Variants in BBS9 observed in about 807,000 individuals in gnomAD.
BBS9 encodes the protein Bardet-Biedl syndrome 9, also known as protein PTHB1.
A neutral mutation model predicts 117.7 loss-of-function variants in BBS9; 89 were observed. The ratio of observed to expected loss-of-function variants is 0.76; its 90% CI spans 0.64 to 0.90. BBS9 has a LOEUF of 0.90. Ranked by LOEUF, BBS9 falls within the 40% of genes least tolerant of loss-of-function variation. The probability of loss-of-function intolerance (pLI) is 0.00; values close to 1 mark genes in which losing one functional copy is unlikely to be tolerated. For missense variants in BBS9, 982 were observed against 1,042.2 expected (o/e 0.94, Z 0.80); for synonymous variants, 379 against 370.9 (o/e 1.02, Z -0.25).
chr7:33,241,596 C>A (rs1234285235), intron 5 of BBS9, among the ~76,000 whole-genome samples: 2 of 152,012 alleles, frequency 1.3e-5, no homozygotes, highest in Non-Finnish European at 2.9e-5. Flanking sequence ...TGTCTCTTAA[C>A]TTCACATGTA....
chr7:33,323,748 A>T (rs1054291151), intron 9 of BBS9, among the ~76,000 whole-genome samples: 10 of 148,148 alleles, frequency 6.8e-5, no homozygotes, highest in Non-Finnish European at 1.3e-4. Context: ...TTCAGTTTTC[A>T]TTATTAATAA....
intron 15 of BBS9, 81 bp from the exon 16 acceptor site, chr7:33,357,774 C>T (rs1353685784): frequency 4.2e-6 from 6 of 1,444,596 alleles, no homozygotes; most frequent in Non-Finnish European, 5.8e-6. Context: ...TATATTGCTG[C>T]TCAAACTATT....
At position 33,155,681 on chromosome 7, in the gene BBS9, CTT is replaced by C. The variant is rs747388658; in HGVS notation, c.309_310del (p.Val105LeufsTer9). On this transcript the variant is annotated frameshift_variant, in exon 4 of 23. Transcript: ENST00000242067. LOFTEE classifies it high-confidence loss of function. ...TTTGGCTGTGTTACATTCTAGAAAA[CTT>C]TGTGTCTACTCTGTCTCAGGTAAGA... The part of the protein sequence containing the change: ...LHLAVLHSRK[L>X]CVYSVSGTLG... The C allele has an allele frequency of 5.0e-6, 8 of 1,584,674 alleles. No individual in the cohort carries two copies. Among genetic ancestry groups the C allele is most frequent in the Non-Finnish European group, 4.3e-6 (5 of 1,155,544 alleles).
intron 5 of BBS9, among the ~76,000 whole-genome samples, chr7:33,252,717 C>G (rs1796406404): frequency 6.6e-6 from 1 of 151,960 alleles, no homozygotes; most frequent in Non-Finnish European, 1.5e-5. Context: ...TTACAGTCTT[C>G]AATAACACAG....
At chr7:33,538,956 A>T (rs1036589777) in intron 21 of BBS9, among the ~76,000 whole-genome samples, 1 of 152,196 alleles carries the variant, frequency 6.6e-6, no homozygotes, top group African/African-American at 2.4e-5. Flanking sequence ...ACTTCACTAT[A>T]GATTTGTTGG....
intron 5 of BBS9, among the ~76,000 whole-genome samples, chr7:33,210,003 T>C (rs1370756960): frequency 6.6e-6 from 1 of 152,158 alleles, no homozygotes; most frequent in East Asian, 1.9e-4. Flanking sequence ...TTGCAGTTTT[T>C]ATTCTTTTTT....
intron 5 of BBS9, among the ~76,000 whole-genome samples, chr7:33,201,106 T>G (rs185948634): frequency 6.6e-6 from 1 of 152,068 alleles, no homozygotes; most frequent in South Asian, 2.1e-4. Context: ...ACTCTAGAGG[T>G]TTTTTTCACT....
At chr7:33,309,937 C>T (rs1330567950) in intron 9 of BBS9, among the ~76,000 whole-genome samples, 2 of 152,150 alleles carry the variant, frequency 1.3e-5, no homozygotes, top group Non-Finnish European at 2.9e-5. Context: ...ATGAAGAGAT[C>T]TTAAAAGAAA....
chr7:33,524,263 T>C (rs1295892181), intron 20 of BBS9, among the ~76,000 whole-genome samples: 1 of 151,968 alleles, frequency 6.6e-6, no homozygotes, highest in Non-Finnish European at 1.5e-5. Context: ...GCTGGCCTCA[T>C]AAAATGAGTT....
chr7:33,614,048 G>A (rs546448350), intron 21 of BBS9, among the ~76,000 whole-genome samples: 1 of 152,188 alleles, frequency 6.6e-6, no homozygotes, highest in African/African-American at 2.4e-5. Flanking sequence ...GATATGCTGA[G>A]CTGTCATGAA....
intron 19 of BBS9, among the ~76,000 whole-genome samples, chr7:33,470,994 C>A (rs908877549): frequency 2.6e-5 from 4 of 152,180 alleles, no homozygotes; most frequent in Non-Finnish European, 5.9e-5. Context: ...GATACAGGTT[C>A]ATTTTCCTGC....
At chr7:33,426,282 C>G (rs1391205396) in intron 19 of BBS9, among the ~76,000 whole-genome samples, 1 of 152,138 alleles carries the variant, frequency 6.6e-6, no homozygotes, top group African/African-American at 2.4e-5. Flanking sequence ...TTACTGAGTG[C>G]CAGCTATTGC....
chr7:33,133,918 T>C (rs1790019674), intron 1 of BBS9, among the ~76,000 whole-genome samples: 1 of 152,240 alleles, frequency 6.6e-6, no homozygotes, highest in African/African-American at 2.4e-5. Flanking sequence ...GCATTCTCAC[T>C]AGCAGTATAT....
At chr7:33,389,719 A>C (rs1256089043) in intron 19 of BBS9, among the ~76,000 whole-genome samples, 2 of 143,100 alleles carry the variant, frequency 1.4e-5, no homozygotes, top group Admixed American at 7.0e-5. Context: ...AAAAAAATTC[A>C]TGGTTATTTG....
At chr7:33,393,950 T>C (rs1241261686) in intron 19 of BBS9, among the ~76,000 whole-genome samples, 4 of 152,266 alleles carry the variant, frequency 2.6e-5, no homozygotes, top group African/African-American at 9.6e-5. Context: ...GTATCCTGTA[T>C]AGGAACCCTC....
At chr7:33,177,675 T>C (rs1797529444) in intron 5 of BBS9, 84 bp downstream of exon 5, 2 of 1,011,646 alleles carry the variant, frequency 2.0e-6, no homozygotes, top group Non-Finnish European at 3.1e-6. Context: ...ATTAAGTGGT[T>C]TGACTCTCAG....
chr7:33,164,767 G>T (rs1337713052), intron 4 of BBS9, among the ~76,000 whole-genome samples: 1 of 152,112 alleles, frequency 6.6e-6, no homozygotes, highest in Non-Finnish European at 1.5e-5. Flanking sequence ...ACACTGATGG[G>T]TCTGGACTCT....
chr7:33,225,349 T>C (rs1318203144), intron 5 of BBS9, among the ~76,000 whole-genome samples: 3 of 152,078 alleles, frequency 2.0e-5, no homozygotes, highest in Non-Finnish European at 4.4e-5. Flanking sequence ...TGGTACCTGC[T>C]ACCATGCCTA....
chr7:33,256,178 CA>C (rs1221068635), intron 5 of BBS9, among the ~76,000 whole-genome samples: 3 of 148,990 alleles, frequency 2.0e-5, no homozygotes, highest in Admixed American at 6.7e-5. Flanking sequence ...AAAAAACAAA[CA>C]AAAAAAACCA....
Sources: gnomAD v4.1 joint callset for allele counts (sites outside exome capture counted in the v4.1 genomes callset) on GRCh38, gnomAD v4.1.1 for gene constraint, MANE v1.5 for transcripts, NCBI Gene and HGNC (gene_info 2026-07-23, HGNC 2026-07-21) for gene names.